Variants in ZNF514 observed in about 807,000 individuals in gnomAD.
ZNF514 encodes the protein zinc finger protein 514.
A neutral mutation model predicts 9.7 loss-of-function variants in ZNF514; 12 were observed. That is an observed-to-expected ratio of 1.24 (90% CI 0.79 to 2.01). The LOEUF (loss-of-function observed/expected upper bound fraction) is 2.01, where lower values mean the gene tolerates loss of function less well. Among genes scored for constraint, ZNF514 ranks in the 30% most tolerant of loss-of-function variants. The probability of loss-of-function intolerance (pLI) is 0.00; values close to 1 mark genes in which losing one functional copy is unlikely to be tolerated. For synonymous variants in ZNF514, 158 were observed against 163.7 expected, an observed-to-expected ratio of 0.97 and a Z score of 0.27; for missense variants, 467 against 465.5, an observed-to-expected ratio of 1.00 and a Z score of -0.03.
downstream of ZNF514, among the ~76,000 whole-genome samples, chr2:95,143,616 G>A (rs939647953): frequency 1.3e-5 from 2 of 152,166 alleles, no homozygotes; most frequent in African/African-American, 4.8e-5. Context: ...TTGAAACTCT[G>A]TCTCAAAATA....
chr2:95,143,629 T>TA (rs1673296504), downstream of ZNF514, among the ~76,000 whole-genome samples: 1 of 152,034 alleles, frequency 6.6e-6, no homozygotes, highest in Non-Finnish European at 1.5e-5. Context: ...TCAAAATAAA[T>TA]AAATAAAATA....
chr2:95,139,005 TC>T, the ZNF514 span, among the ~76,000 whole-genome samples: 1 of 152,220 alleles, frequency 6.6e-6, no homozygotes, highest in Non-Finnish European at 1.5e-5. Flanking sequence ...TCAAAGGGGC[TC>T]AGGTACAGCT....
At chr2:95,128,534 C>T in the ZNF514 span, among the ~76,000 whole-genome samples, 1 of 150,934 alleles carries the variant, frequency 6.6e-6, no homozygotes, top group East Asian at 1.9e-4. Context: ...CCAGCCTGGG[C>T]GACAGAGTGA....
the ZNF514 span, among the ~76,000 whole-genome samples, chr2:95,130,586 G>A: frequency 6.6e-6 from 1 of 152,202 alleles, no homozygotes. Flanking sequence ...CTCTTTCTCA[G>A]GGACGTTCCA....
rs941410602 is a variant in ZNF514 at position 95,145,062 on chromosome 2, A to G, written c.*4220T>C. Among the ~76,000 whole-genome samples the G allele has an allele frequency of 3.9e-5, 6 of 152,238 alleles. No homozygotes were observed. The highest frequency in any genetic ancestry group is 8.8e-5 in the Non-Finnish European group (6 of 68,042). ...CTAGAAAGAAGGCTTTTCATATAGT[A>G]CAAAAACATGCAGTCGGAAGCACTG... On this transcript the variant is annotated 3_prime_UTR_variant, in exon 5 of 5. Coordinates refer to ENST00000295208, the MANE Select transcript of ZNF514 (RefSeq NM_032788.3).
chr2:95,149,682 G>C lies in ZNF514; in HGVS notation c.803C>G (p.Ala268Gly). The C allele has an allele frequency of 6.2e-7, 1 of 1,614,204 alleles. No individual in the cohort carries two copies. The highest frequency in any genetic ancestry group is 8.5e-7 in the Non-Finnish European group (1 of 1,180,036). The change falls in exon 5 of 5, where the codon GCC (alanine) becomes GGC (glycine). Residue 268 changes from alanine (A) to glycine (G), a missense_variant. Physicochemically the swap from Ala to Gly is moderately conservative, Grantham distance 60. Coordinates refer to ENST00000295208, the MANE Select transcript of ZNF514 (RefSeq NM_032788.3). The stretch of plus-strand genomic sequence containing the variant: ...AACAAGAGACGAACTCTGGCTGAAG[G>C]CTCTCCCACATTCACTGCATTCATA... ...KPYECSECGR[A>G]FSQSSSLVLH... is the part of the protein sequence containing the mutation.
At chr2:95,137,553 G>T in the ZNF514 span, among the ~76,000 whole-genome samples, 1 of 152,266 alleles carries the variant, frequency 6.6e-6, no homozygotes, top group East Asian at 1.9e-4. Flanking sequence ...GGTAGGACAT[G>T]GCCAGGAACC....
chr2:95,138,447 A>G, the ZNF514 span, among the ~76,000 whole-genome samples: 1 of 152,234 alleles, frequency 6.6e-6, no homozygotes, highest in African/African-American at 2.4e-5. Flanking sequence ...ACCAAAGCAA[A>G]GGTCACCCAT....
intron 2 of ZNF514, among the ~76,000 whole-genome samples, chr2:95,156,437 C>T (rs1386268536): frequency 6.6e-6 from 1 of 152,188 alleles, no homozygotes; most frequent in East Asian, 1.9e-4. Context: ...ATCTCAGAGC[C>T]AGACAGCCTG....
Position 95,148,811 on chromosome 2 carries a change from AG to A in ZNF514, c.*470del, listed in dbSNP as rs975255727. On this transcript the variant is annotated 3_prime_UTR_variant, in exon 5 of 5. Transcript: ENST00000295208. ...GCCTTCCTCTATTTCCTGCTTTCAT[AG>A]GGCCTCTCTCTAGTATGTGTTCTTG... The A allele has an allele frequency of 1.3e-5, 2 of 154,076 alleles. No homozygotes were observed. Among genetic ancestry groups the A allele is most frequent in the African/African-American group, 4.8e-5 (2 of 41,482 alleles). The allele number at this position is 154,076 out of a possible 1,614,324, so 9.5% of individuals were successfully genotyped here.
intron 4 of ZNF514, 134 bp from the exon 5 acceptor site, chr2:95,150,401 T>C: frequency 1.0e-6 from 1 of 979,910 alleles, no homozygotes. Flanking sequence ...CGTACAGATT[T>C]TTTCAATAAT....
chr2:95,140,644 T>C (rs999464688), downstream of ZNF514, among the ~76,000 whole-genome samples: 5 of 150,984 alleles, frequency 3.3e-5, no homozygotes, highest in Admixed American at 1.3e-4. Flanking sequence ...TGTTGGGATG[T>C]TGGGGGAGCT....
At chr2:95,142,546 T>C (rs1673263063), downstream of ZNF514, among the ~76,000 whole-genome samples, 1 of 152,250 alleles carries the variant, frequency 6.6e-6, no homozygotes, top group Non-Finnish European at 1.5e-5. Context: ...CCTTTTTTTC[T>C]GGAGTTTTGT....
the ZNF514 span, among the ~76,000 whole-genome samples, chr2:95,133,861 G>C: frequency 6.6e-6 from 1 of 152,092 alleles, no homozygotes; most frequent in African/African-American, 2.4e-5. Flanking sequence ...GGATATTGAG[G>C]AATTACTATA....
At chr2:95,158,721 A>T in intron 1 of ZNF514, 1 of 968,730 alleles carries the variant, frequency 1.0e-6, no homozygotes. Flanking sequence ...CCATTGGGAC[A>T]ATTTTCCATG....
chr2:95,129,512 G>C, the ZNF514 span, among the ~76,000 whole-genome samples: 1 of 152,204 alleles, frequency 6.6e-6, no homozygotes, highest in African/African-American at 2.4e-5. Flanking sequence ...ACTCCTAGTT[G>C]AAGAGGCTAA....
the ZNF514 span, among the ~76,000 whole-genome samples, chr2:95,135,468 C>T: frequency 6.7e-6 from 1 of 148,446 alleles, no homozygotes; most frequent in African/African-American, 2.5e-5. Context: ...ATTGCCCAGG[C>T]TGGAGTACAG....
At chr2:95,128,232 A>G in the ZNF514 span, among the ~76,000 whole-genome samples, 2 of 152,020 alleles carry the variant, frequency 1.3e-5, no homozygotes, top group Non-Finnish European at 2.9e-5. Context: ...ATCTCTACTA[A>G]AAATATAAAA....
At position 95,149,691 on chromosome 2, in the gene ZNF514, C is replaced by T. The variant is rs1673472683; in HGVS notation, c.794G>A (p.Cys265Tyr). The change falls in exon 5 of 5, where the codon TGT becomes TAT. Residue 265 changes from cysteine (C) to tyrosine (Y), a missense_variant. Physicochemically the swap from Cys to Tyr is radical, Grantham distance 194 (BLOSUM62 -2). Transcript: ENST00000295208. ...TGEKPYECSE[C>Y]GRAFSQSSSL... is the part of the protein sequence containing the mutation. ...CGAACTCTGGCTGAAGGCTCTCCCA[C>T]ATTCACTGCATTCATAGGGCTTTTC... is the stretch of plus-strand genomic sequence containing the variant. The T allele has an allele frequency of 1.2e-6, 2 of 1,614,222 alleles. No individual in the cohort carries two copies. Among genetic ancestry groups the T allele is most frequent in the Non-Finnish European group, 1.7e-6 (2 of 1,180,038 alleles).
Sources: gnomAD v4.1 joint callset for allele counts (sites outside exome capture counted in the v4.1 genomes callset) on GRCh38, gnomAD v4.1.1 for gene constraint, MANE v1.5 for transcripts, NCBI Gene and HGNC (gene_info 2026-07-23, HGNC 2026-07-21) for gene names.